The following ADCY8 variants were observed in gnomAD, a reference collection of about 807,000 sequenced individuals.
ADCY8 encodes the protein adenylate cyclase 8.
A neutral mutation model predicts 119.7 loss-of-function variants in ADCY8; 51 were observed. That is an observed-to-expected ratio of 0.43 (90% CI 0.34 to 0.54). The LOEUF (loss-of-function observed/expected upper bound fraction) is 0.54. Ranked by LOEUF, ADCY8 falls within the 20% of genes least tolerant of loss-of-function variation. The pLI is 0.03. For missense variants in ADCY8, 1,383 were observed against 1,598.8 expected (o/e 0.87, Z 2.30); for synonymous variants, 665 against 651.0 (o/e 1.02, Z -0.33).
At chr8:130,789,253 AACTCTAATGG>A (rs1282334484) in intron 15 of ADCY8, among the ~76,000 whole-genome samples, 2 of 152,208 alleles carry the variant, frequency 1.3e-5, no homozygotes, top group African/African-American at 2.4e-5. Flanking sequence ...ACATTCCCTA[AACTCTAATGG>A]GCTGGCTAAT....
At chr8:130,955,970 C>A (rs982805023) in intron 2 of ADCY8, among the ~76,000 whole-genome samples, 1 of 152,128 alleles carries the variant, frequency 6.6e-6, no homozygotes, top group African/African-American at 2.4e-5. Context: ...CATGTCAAGA[C>A]CTCATTGCTA....
At chr8:130,924,909 T>A (rs1040421857) in intron 5 of ADCY8, among the ~76,000 whole-genome samples, 1 of 152,014 alleles carries the variant, frequency 6.6e-6, no homozygotes, top group Non-Finnish European at 1.5e-5. Context: ...ATATAGTTAG[T>A]GTTTAAGAAA....
At chr8:130,904,781 A>G (rs1819727232) in intron 6 of ADCY8, among the ~76,000 whole-genome samples, 1 of 152,210 alleles carries the variant, frequency 6.6e-6, no homozygotes, top group Non-Finnish European at 1.5e-5. Context: ...AAAATAACAT[A>G]TGACATCAGG....
chr8:130,794,237 T>C (rs1034681286), intron 15 of ADCY8, among the ~76,000 whole-genome samples: 3 of 151,946 alleles, frequency 2.0e-5, no homozygotes, highest in Admixed American at 2.0e-4. Context: ...ATTCTGGATT[T>C]GTTTGTTTGT....
chr8:130,842,999 T>C (rs1817194083), intron 11 of ADCY8, among the ~76,000 whole-genome samples: 2 of 152,166 alleles, frequency 1.3e-5, no homozygotes, highest in African/African-American at 4.8e-5. Flanking sequence ...TAATCTTTGA[T>C]TGGGTGCCAG....
intron 11 of ADCY8, among the ~76,000 whole-genome samples, chr8:130,846,530 C>CCCTTCCTTCCTTCCTTCCTTCCTTCCTT (rs764912713): frequency 7.6e-6 from 1 of 131,442 alleles, no homozygotes; most frequent in Non-Finnish European, 1.6e-5. Flanking sequence ...CTCCCTCCCT[C>CCCTTCCTTCCTTCCTTCCTTCCTTCCTT]CCTTCCTTCC....
At chr8:130,853,888 G>T (rs1204750225) in intron 9 of ADCY8, among the ~76,000 whole-genome samples, 1 of 152,168 alleles carries the variant, frequency 6.6e-6, no homozygotes, top group Non-Finnish European at 1.5e-5. Context: ...TTTTTAATCT[G>T]TAAAACAGGG....
Position 130,884,698 on chromosome 8 carries a change from G to A in ADCY8, c.1975C>T (p.His659Tyr). ...ATTTCCTCAGGCCCAGACTGGACATGCAAAGCTTGTGCAAGATGGTTTGGA... is the reference window on the plus strand; with the variant it reads ...ATTTCCTCAGGCCCAGACTGGACATACAAAGCTTGTGCAAGATGGTTTGGA... ...LLPNHLAQAL[H>Y]VQSGPEEINK... Residue 659 changes from histidine (H) to tyrosine (Y), a missense_variant, in exon 8 of 18, where the codon CAT becomes TAT. His to Tyr is a moderately conservative substitution (Grantham distance 83). This residue lies in a region of ADCY8 where 928 missense variants were observed against 1,163.5 expected (regional missense o/e 0.80). Coordinates refer to ENST00000286355, the MANE Select transcript of ADCY8 (RefSeq NM_001115.3). 1 of 1,613,876 alleles carries A rather than the reference G, an allele frequency of 6.2e-7. No individual in the cohort carries two copies. Among genetic ancestry groups the A allele is most frequent in the Non-Finnish European group, 8.5e-7 (1 of 1,179,832 alleles).
chr8:130,842,071 G>A (rs1264003819), intron 11 of ADCY8, among the ~76,000 whole-genome samples: 1 of 152,298 alleles, frequency 6.6e-6, no homozygotes, highest in East Asian at 1.9e-4. Flanking sequence ...TTTGTATGTG[G>A]TTGGTGCTCT....
chr8:131,036,995 A>G (rs774894785), intron 1 of ADCY8, among the ~76,000 whole-genome samples: 13 of 152,206 alleles, frequency 8.5e-5, no homozygotes, highest in Non-Finnish European at 1.6e-4. Flanking sequence ...GGAAAACTAA[A>G]TAGTACCTAT....
chr8:131,027,123 A>AT (rs1357954121), intron 1 of ADCY8, among the ~76,000 whole-genome samples: 9 of 152,184 alleles, frequency 5.9e-5, no homozygotes, highest in South Asian at 2.1e-4. Flanking sequence ...AGGACTGCTC[A>AT]TTTTTTTGTC....
chr8:130,865,100 T>A (rs1818069644), intron 9 of ADCY8, among the ~76,000 whole-genome samples: 2 of 152,144 alleles, frequency 1.3e-5, no homozygotes, highest in East Asian at 1.9e-4. Flanking sequence ...CTAAGTACTC[T>A]TCCTCAGAAA....
intron 9 of ADCY8, among the ~76,000 whole-genome samples, chr8:130,856,433 G>T (rs546833431): frequency 6.6e-6 from 1 of 152,110 alleles, no homozygotes; most frequent in African/African-American, 2.4e-5. Flanking sequence ...AGACACGGCC[G>T]GGCCCTTCTT....
In ADCY8 at chr8:130,990,559, C is replaced by T. The variant is rs751479560; in HGVS notation, c.961-17G>A. On this transcript the variant is annotated splice_polypyrimidine_tract_variant and intron_variant, in intron 1 of 17. Transcript: ENST00000286355. ...GGCCACAACCTAAAATAAACACAGTCTGGTCAGGCGCTTAAAACAAAAGCT... is the reference window on the plus strand; with the variant it reads ...GGCCACAACCTAAAATAAACACAGTTTGGTCAGGCGCTTAAAACAAAAGCT... 6.2e-7 allele frequency: 1 copy of T among 1,609,922 alleles called. No homozygotes were observed. The highest frequency in any genetic ancestry group is 8.5e-7 in the Non-Finnish European group (1 of 1,177,534).
chr8:130,943,497 G>GGGGGGGGGGGGGCACC, intron 3 of ADCY8, 35 bp from the exon 4 acceptor site: 1 of 491,356 alleles, frequency 2.0e-6, no homozygotes, highest in Non-Finnish European at 4.2e-6. Context: ...GTGGGGGGAG[G>GGGGGGGGGGGGGCACC]AAGTATATTA....
chr8:130,999,516 G>C (rs1303784861), intron 1 of ADCY8, among the ~76,000 whole-genome samples: 1 of 152,096 alleles, frequency 6.6e-6, no homozygotes, highest in African/African-American at 2.4e-5. Context: ...GGTGGGAAAG[G>C]GGGATATCTC....
rs141046286 is a variant in ADCY8, at chr8:130,846,318, A to G, written c.2502+1106T>C. ...CTGGGTTGTGAATAACAGACCCCAT[A>G]GGCTGACCCCAAGGCCCAGAAACAG... On this transcript the variant is annotated intron_variant, in intron 11 of 17. Transcript: ENST00000286355. Among the ~76,000 whole-genome samples the G allele has an allele frequency of 1.5e-3, 232 of 152,266 alleles. 2 individuals carry two copies. In the East Asian group the frequency reaches 0.034, roughly 22 times the overall value.
intron 5 of ADCY8, among the ~76,000 whole-genome samples, chr8:130,924,435 G>T (rs1008247950): frequency 2.0e-5 from 3 of 152,170 alleles, no homozygotes; most frequent in African/African-American, 7.2e-5. Flanking sequence ...TGAAATGGGG[G>T]TTGCTAGGTA....
intron 7 of ADCY8, among the ~76,000 whole-genome samples, chr8:130,895,335 C>T (rs946520646): frequency 1.3e-5 from 2 of 152,158 alleles, no homozygotes; most frequent in African/African-American, 2.4e-5. Flanking sequence ...TGGGAGTAAC[C>T]GTGGCTGCAT....
Sources: allele counts gnomAD v4.1 joint callset (sites outside exome capture counted in the v4.1 genomes callset), GRCh38; gene constraint gnomAD v4.1.1; regional missense constraint gnomAD v4.1.1; transcripts MANE v1.5; gene names NCBI Gene and HGNC (gene_info 2026-07-23, HGNC 2026-07-21).